FGF1: variants seen among roughly 807,000 people sequenced by gnomAD.
FGF1 encodes the protein beta-endothelial cell growth factor.
A neutral mutation model predicts 13.4 loss-of-function variants in FGF1; 9 were observed. The observed-to-expected ratio is 0.67, with a 90% CI of 0.40 to 1.17. The LOEUF (loss-of-function observed/expected upper bound fraction) is 1.17, where lower values mean the gene tolerates loss of function less well. FGF1 is among the 50% of genes most tolerant of loss of function. The probability of loss-of-function intolerance (pLI) is 0.01; values close to 1 mark genes in which losing one functional copy is unlikely to be tolerated. For missense variants in FGF1, 156 were observed against 192.7 expected (o/e 0.81, Z 1.13); for synonymous variants, 93 against 79.0 (o/e 1.18, Z -0.94).
chr5:142,645,898 G>GT (rs991895390), intron 1 of FGF1, among the ~76,000 whole-genome samples: 5 of 151,938 alleles, frequency 3.3e-5, no homozygotes, highest in East Asian at 1.9e-4. Context: ...CCCTTACTTT[G>GT]TTTTTTTGTT....
intron 1 of FGF1, among the ~76,000 whole-genome samples, chr5:142,661,170 A>C (rs1300479403): frequency 6.6e-6 from 1 of 152,238 alleles, no homozygotes; most frequent in Admixed American, 6.5e-5. Context: ...TGTGACATGC[A>C]GGCATTGTGC....
Position 142,634,875 on chromosome 5 carries a change from T to C in FGF1, c.-34-20714A>G, listed in dbSNP as rs569813760. On this transcript the variant is annotated intron_variant, in intron 1 of 3. Coordinates refer to ENST00000337706, the MANE Select transcript of FGF1 (RefSeq NM_000800.5). ...TGCTTTGGTTATTGCTTTTTTTTTC[T>C]TTTTTTTTTTTCCACGACTCCTTGT... Among the ~76,000 whole-genome samples, 1,379 of 142,160 alleles carry C rather than the reference T, an allele frequency of 9.7e-3. 23 individuals are homozygous for C. The highest frequency in any genetic ancestry group is 0.033 in the African/African-American group (1,311 of 39,200). 93.3% of individuals were successfully genotyped at this position (142,160 alleles called of 152,430 possible).
Position 142,600,706 on chromosome 5 carries a change from C to T in FGF1, c.269G>A (p.Gly90Asp), listed in dbSNP as rs773757340. 6.2e-7 allele frequency: 1 copy of T among 1,608,100 alleles called. No homozygotes were observed. Among genetic ancestry groups the T allele is most frequent in the Admixed American group, 1.7e-5 (1 of 60,016 alleles). The change falls in exon 3 of 4, where the codon GGC (glycine) becomes GAC (aspartate). Residue 90 changes from glycine to aspartate, a missense_variant. Gly to Asp is a moderately conservative substitution (Grantham distance 94). Transcript: ENST00000337706. ...LAMDTDGLLY[G>D]SQTPNEECLF... ...GCATGTCAGCTTCATACTTACTGAGCCGTATAAAAGCCCGTCGGTGTCCAT... is the reference window on the plus strand; with the variant it reads ...GCATGTCAGCTTCATACTTACTGAGTCGTATAAAAGCCCGTCGGTGTCCAT...
intron 1 of FGF1, among the ~76,000 whole-genome samples, chr5:142,673,756 C>G (rs1453286420): frequency 7.2e-5 from 11 of 152,186 alleles, no homozygotes; most frequent in Non-Finnish European, 1.5e-5. Flanking sequence ...GTCAGTTCTC[C>G]ACTCAGGGGT....
At chr5:142,597,420 C>T (rs1395880914) in intron 3 of FGF1, among the ~76,000 whole-genome samples, 1 of 152,134 alleles carries the variant, frequency 6.6e-6, no homozygotes, top group African/African-American at 2.4e-5. Context: ...TGCAGCTGTA[C>T]ATTTATTAAG....
At chr5:142,604,371 T>G (rs66858963) in intron 2 of FGF1, among the ~76,000 whole-genome samples, 10,791 of 152,270 alleles carry the variant, frequency 0.071, 425 homozygotes, top group Middle Eastern at 0.12. Context: ...CCTATATGTT[T>G]AAGAGAGATC....
At chr5:142,613,639 T>A (rs1759555218) in intron 2 of FGF1, among the ~76,000 whole-genome samples, 1 of 152,200 alleles carries the variant, frequency 6.6e-6, no homozygotes, top group South Asian at 2.1e-4. Context: ...TGACTAGCCT[T>A]CGGGGCCAGA....
chr5:142,596,661 C>T (rs933135001), intron 3 of FGF1, among the ~76,000 whole-genome samples: 1 of 151,900 alleles, frequency 6.6e-6, no homozygotes, highest in South Asian at 2.1e-4. Context: ...AGGAGGATTG[C>T]TCGACCCCAG....
chr5:142,625,048 C>T (rs1201363197), intron 1 of FGF1, among the ~76,000 whole-genome samples: 1 of 152,166 alleles, frequency 6.6e-6, no homozygotes, highest in East Asian at 1.9e-4. Flanking sequence ...TACCCAAATT[C>T]TAGATTCTGA....
intron 1 of FGF1, among the ~76,000 whole-genome samples, chr5:142,643,610 A>G (rs1765538236): frequency 6.6e-6 from 1 of 152,192 alleles, no homozygotes; most frequent in South Asian, 2.1e-4. Context: ...CTCAGTAGGG[A>G]CCAACAGCTG....
chr5:142,660,744 C>G (rs545440159), intron 1 of FGF1, among the ~76,000 whole-genome samples: 3 of 152,230 alleles, frequency 2.0e-5, no homozygotes, highest in Non-Finnish European at 4.4e-5. Flanking sequence ...ACCCCATACC[C>G]CATAGCCCAG....
At chr5:142,602,722 T>A (rs546808877) in intron 2 of FGF1, among the ~76,000 whole-genome samples, 1 of 152,296 alleles carries the variant, frequency 6.6e-6, no homozygotes, top group South Asian at 2.1e-4. Flanking sequence ...ACCTTGCTTT[T>A]TTTTTTGCTT....
Position 142,592,558 on chromosome 5 carries a change from A to G in FGF1, c.*2732T>C. ...TGGCCCGAAAATGAATCCATATGAGAGTCACGTGACAGGAGCTGGCTATGA... is the reference window on the plus strand; with the variant it reads ...TGGCCCGAAAATGAATCCATATGAGGGTCACGTGACAGGAGCTGGCTATGA... On this transcript the variant is annotated 3_prime_UTR_variant, in exon 4 of 4. Transcript: ENST00000337706. 1 of 397,586 alleles carries G rather than the reference A, an allele frequency of 2.5e-6. No individual in the cohort carries two copies. Among genetic ancestry groups the G allele is most frequent in the Non-Finnish European group, 4.4e-6 (1 of 225,636 alleles). 24.6% of individuals were successfully genotyped at this position (397,586 alleles called of 1,614,324 possible). A position where few individuals can be genotyped will look rare whatever the true frequency, so the allele number is the denominator to read the frequency against.
chr5:142,645,313 G>A (rs1561651093), intron 1 of FGF1, among the ~76,000 whole-genome samples: 1 of 152,216 alleles, frequency 6.6e-6, no homozygotes, highest in Non-Finnish European at 1.5e-5. Flanking sequence ...ACACCTCCGA[G>A]TTAGCTCATC....
chr5:142,671,863 G>T (rs1441640744), intron 1 of FGF1: 1 of 152,146 alleles, frequency 6.6e-6, no homozygotes, highest in African/African-American at 2.4e-5. Flanking sequence ...TTTATACCTG[G>T]GGAAACTGAG....
intron 1 of FGF1, among the ~76,000 whole-genome samples, chr5:142,615,465 G>A (rs1760036785): frequency 6.6e-6 from 1 of 152,300 alleles, no homozygotes; most frequent in East Asian, 1.9e-4. Flanking sequence ...CTCGTGATCC[G>A]CCTGCCTCGG....
chr5:142,690,798 G>A (rs1014009128), upstream of FGF1, among the ~76,000 whole-genome samples: 2 of 152,136 alleles, frequency 1.3e-5, no homozygotes, highest in African/African-American at 4.8e-5. Context: ...CAAAAGCCAA[G>A]CTCACTACCA....
At chr5:142,655,295 A>G (rs1351227890) in intron 1 of FGF1, among the ~76,000 whole-genome samples, 2 of 152,182 alleles carry the variant, frequency 1.3e-5, no homozygotes, top group South Asian at 2.1e-4. Context: ...ATCACACATA[A>G]TAAGTGAAGC....
chr5:142,598,501 T>TA (rs371854445), intron 3 of FGF1, among the ~76,000 whole-genome samples: 13 of 149,224 alleles, frequency 8.7e-5, no homozygotes, highest in African/African-American at 1.5e-4. Flanking sequence ...ATACTTACTG[T>TA]AAAAAAAAAA....
Sources: allele counts gnomAD v4.1 joint callset (sites outside exome capture counted in the v4.1 genomes callset), GRCh38; gene constraint gnomAD v4.1.1; transcripts MANE v1.5; gene names NCBI Gene and HGNC (gene_info 2026-07-23, HGNC 2026-07-21).